OPCML: variants seen among roughly 807,000 people sequenced by gnomAD.
The protein encoded by OPCML is opioid binding protein/cell adhesion molecule like.
Under a neutral mutation model 37.8 loss-of-function variants are expected in OPCML, and 13 were observed. That is an observed-to-expected ratio of 0.34 (90% confidence interval 0.22 to 0.55). The LOEUF (loss-of-function observed/expected upper bound fraction) is 0.55, where lower values mean the gene tolerates loss of function less well. OPCML is among the 20% of genes least tolerant of loss of function. The pLI is 0.91. For missense variants in OPCML, 341 were observed against 435.6 expected (o/e 0.78, Z 1.93); for synonymous variants, 176 against 168.8 (o/e 1.04, Z -0.33).
chr11:132,563,343 C>T (rs12576694), intron 3 of OPCML, among the ~76,000 whole-genome samples: 41,137 of 151,806 alleles, frequency 0.27, 5,896 homozygotes, highest in East Asian at 0.5. Flanking sequence ...AAATTTGCAT[C>T]TATAAGTGTG....
At chr11:133,455,396 G>A (rs943285701) in intron 1 of OPCML, among the ~76,000 whole-genome samples, 1 of 152,076 alleles carries the variant, frequency 6.6e-6, no homozygotes, top group African/African-American at 2.4e-5. Flanking sequence ...ACATACTAGA[G>A]GCAGTTTGGG....
chr11:132,716,791 G>A (rs11223184), intron 2 of OPCML, among the ~76,000 whole-genome samples: 20,946 of 151,992 alleles, frequency 0.14, 1,636 homozygotes, highest in Non-Finnish European at 0.19. Context: ...TAAGTACCTC[G>A]TACAGGCTTG....
intron 2 of OPCML, among the ~76,000 whole-genome samples, chr11:132,935,668 G>A (rs1038355067): frequency 5.9e-5 from 9 of 152,192 alleles, no homozygotes; most frequent in Non-Finnish European, 8.8e-5. Context: ...AAGTCAAAGC[G>A]AGTCACATGG....
At chr11:132,914,484 A>G (rs1944541663) in intron 2 of OPCML, among the ~76,000 whole-genome samples, 1 of 152,252 alleles carries the variant, frequency 6.6e-6, no homozygotes, top group Admixed American at 6.5e-5. Flanking sequence ...CGGAAAAATA[A>G]CCAGAAATTA....
At chr11:132,707,153 G>GCTTTCTTCCTC (rs2135938762) in intron 2 of OPCML, among the ~76,000 whole-genome samples, 1 of 152,328 alleles carries the variant, frequency 6.6e-6, no homozygotes, top group South Asian at 2.1e-4. Flanking sequence ...TTTTGAGGAA[G>GCTTTCTTCCTC]AAAGGGCTTT....
chr11:133,509,080 A>G (rs149769324), intron 1 of OPCML, among the ~76,000 whole-genome samples: 3 of 152,080 alleles, frequency 2.0e-5, no homozygotes, highest in East Asian at 1.9e-4. Context: ...TTTAAATTTT[A>G]TGTTCTGGGA....
At chr11:132,946,900 T>C (rs1945756509) in intron 1 of OPCML, among the ~76,000 whole-genome samples, 1 of 152,184 alleles carries the variant, frequency 6.6e-6, no homozygotes, top group South Asian at 2.1e-4. Flanking sequence ...TAGTCTAGTA[T>C]CACCAGACGG....
intron 1 of OPCML, among the ~76,000 whole-genome samples, chr11:133,061,258 G>A (rs1008849252): frequency 4.6e-5 from 7 of 152,174 alleles, no homozygotes; most frequent in South Asian, 2.1e-4. Flanking sequence ...AACTGTCTAC[G>A]TCTCCAAAAA....
intron 2 of OPCML, among the ~76,000 whole-genome samples, chr11:132,719,757 C>A (rs1013556284): frequency 6.6e-6 from 1 of 152,214 alleles, no homozygotes. Context: ...TTCTCCTAAA[C>A]ACAGCTTCTA....
intron 3 of OPCML, among the ~76,000 whole-genome samples, chr11:132,591,037 C>T (rs73588969): frequency 0.026 from 3,896 of 152,242 alleles, 158 homozygotes; most frequent in African/African-American, 0.089. Context: ...TCTTAGATTG[C>T]CTGTATTTCT....
At chr11:132,763,573 A>C (rs1257995650) in intron 2 of OPCML, among the ~76,000 whole-genome samples, 2 of 152,172 alleles carry the variant, frequency 1.3e-5, no homozygotes, top group Non-Finnish European at 2.9e-5. Context: ...CTTCAGGGAG[A>C]TACTATTAGT....
chr11:132,675,053 AG>A (rs1388036426), intron 2 of OPCML, among the ~76,000 whole-genome samples: 1 of 152,120 alleles, frequency 6.6e-6, no homozygotes, highest in Non-Finnish European at 1.5e-5. Flanking sequence ...ACAGAAAGAC[AG>A]GCCATCTAGA....
intron 2 of OPCML, among the ~76,000 whole-genome samples, chr11:132,716,721 C>A (rs1268314836): frequency 1.3e-5 from 2 of 152,134 alleles, no homozygotes; most frequent in Non-Finnish European, 2.9e-5. Context: ...ACTCTGAAGT[C>A]TAATTCCATA....
rs1049972567 is a variant in OPCML, at chr11:133,493,737, GT to G, written c.61+38526del. On this transcript the variant is annotated intron_variant, in intron 1 of 7. Coordinates refer to ENST00000524381, the MANE Select transcript of OPCML (RefSeq NM_001012393.5). ...AAAGAGTATGCATAATATTTTAAGAGTTTTTTAATGTTTTAGACATGAAGTC... is the reference window on the plus strand; with the variant it reads ...AAAGAGTATGCATAATATTTTAAGAGTTTTTAATGTTTTAGACATGAAGTC... Among the ~76,000 whole-genome samples, 13 of 152,224 alleles carry G rather than the reference GT, an allele frequency of 8.5e-5. No individual in the cohort carries two copies. In the South Asian group the frequency reaches 2.5e-3, roughly 29 times the overall value.
chr11:133,473,363 G>T (rs1342672085), intron 1 of OPCML, among the ~76,000 whole-genome samples: 1 of 152,126 alleles, frequency 6.6e-6, no homozygotes. Context: ...CGAAATTCCT[G>T]TGAAAATGTT....
chr11:132,895,441 GCCACAGGTCTGGGATTGCTGAAAATCAA>G (rs1208908438), intron 2 of OPCML, among the ~76,000 whole-genome samples: 2 of 152,186 alleles, frequency 1.3e-5, no homozygotes, highest in Admixed American at 6.5e-5. Context: ...CTCCCATGTA[GCCACAGGTCTGGGATTGCTGAAAATCAA>G]ACAAGAGCGC....
In OPCML at chr11:133,263,970, G is replaced by A. The variant is rs540449564; in HGVS notation, c.61+268294C>T. Among the ~76,000 whole-genome samples, 7 of 152,216 alleles carry A rather than the reference G, an allele frequency of 4.6e-5. No individual in the cohort carries two copies. The South Asian group carries it at 8.3e-4, about 18-fold the overall frequency. On this transcript the variant is annotated intron_variant, in intron 1 of 7. Coordinates refer to ENST00000524381, the MANE Select transcript of OPCML (RefSeq NM_001012393.5). Reference sequence around the variant, plus strand: ...CTGCTGTCTAAGCTCCTGATGTCACGTTTAAAATGGAACAGTGAAGGAATA... The same window carrying A: ...CTGCTGTCTAAGCTCCTGATGTCACATTTAAAATGGAACAGTGAAGGAATA...
chr11:133,002,867 T>C (rs1565392230), intron 1 of OPCML, among the ~76,000 whole-genome samples: 1 of 152,152 alleles, frequency 6.6e-6, no homozygotes. Context: ...CTTTGCACAA[T>C]GCTGGGCAGT....
At chr11:132,563,607 T>C (rs1020432747) in intron 3 of OPCML, among the ~76,000 whole-genome samples, 3 of 152,096 alleles carry the variant, frequency 2.0e-5, no homozygotes, top group East Asian at 1.9e-4. Context: ...TTCTATGTTA[T>C]ACAAATTTTG....
Sources: gnomAD v4.1 joint callset for allele counts (sites outside exome capture counted in the v4.1 genomes callset) on GRCh38, gnomAD v4.1.1 for gene constraint, MANE v1.5 for transcripts, NCBI Gene and HGNC (gene_info 2026-07-23, HGNC 2026-07-21) for gene names.